AOPEP: variants seen among roughly 807,000 people sequenced by gnomAD.
The protein encoded by AOPEP is aminopeptidase O (putative).
A neutral mutation model predicts 98.1 loss-of-function variants in AOPEP; 77 were observed. That is an observed-to-expected ratio of 0.78 (90% CI 0.65 to 0.95). The LOEUF is 0.95. Ranked by LOEUF, AOPEP falls within the 40% of genes least tolerant of loss-of-function variation. The pLI is 0.00. For missense variants in AOPEP, 1,024 were observed against 1,024.7 expected (o/e 1.00, Z 0.01); for synonymous variants, 346 against 365.3 (o/e 0.95, Z 0.60).
rs147385771 is a variant in AOPEP, at chr9:94,878,856, A to G, written c.1365-45130A>G. Among the ~76,000 whole-genome samples the G allele has an allele frequency of 5.5e-3, 843 of 152,344 alleles. 4 individuals are homozygous for G. The highest frequency in any genetic ancestry group is 0.019 in the African/African-American group (801 of 41,582). On this transcript the variant is annotated intron_variant, in intron 5 of 16. Coordinates refer to ENST00000375315, the MANE Select transcript of AOPEP (RefSeq NM_001193329.3). ...CTGCCTAGACAGAGCTGATTTATCAAGACAGGGGAATTGCAATAGAGAAAG... is the reference window on the plus strand; with the variant it reads ...CTGCCTAGACAGAGCTGATTTATCAGGACAGGGGAATTGCAATAGAGAAAG...
At chr9:95,016,104 C>CT (rs1340551633) in intron 13 of AOPEP, among the ~76,000 whole-genome samples, 1 of 151,340 alleles carries the variant, frequency 6.6e-6, no homozygotes, top group East Asian at 1.9e-4. Context: ...TACTCTCACT[C>CT]TTTTTTCCTT....
At chr9:95,003,045 A>C (rs1334990469) in intron 11 of AOPEP, among the ~76,000 whole-genome samples, 3 of 152,206 alleles carry the variant, frequency 2.0e-5, no homozygotes, top group Admixed American at 2.0e-4. Context: ...GGTGCTAGGA[A>C]GAAAGGAGAC....
chr9:95,138,369 G>A, the AOPEP span, among the ~76,000 whole-genome samples: 2 of 152,198 alleles, frequency 1.3e-5, no homozygotes, highest in African/African-American at 4.8e-5. Flanking sequence ...TTTCCATCCA[G>A]GTGGTCAGCC....
intron 5 of AOPEP, among the ~76,000 whole-genome samples, chr9:94,884,373 C>G (rs1172810127): frequency 6.6e-6 from 1 of 152,170 alleles, no homozygotes; most frequent in Non-Finnish European, 1.5e-5. Context: ...CCTGTGGTAC[C>G]TCAGTGAGAC....
intron 13 of AOPEP, among the ~76,000 whole-genome samples, chr9:95,008,728 C>G (rs2062241915): frequency 6.6e-6 from 1 of 152,226 alleles, no homozygotes; most frequent in South Asian, 2.1e-4. Context: ...ATCCCACCCA[C>G]CAGAGAATTG....
chr9:94,775,601 G>A (rs1841911010), intron 3 of AOPEP, among the ~76,000 whole-genome samples: 1 of 151,956 alleles, frequency 6.6e-6, no homozygotes, highest in Non-Finnish European at 1.5e-5. Flanking sequence ...TCTTGACCTC[G>A]TGATCTGCCC....
At chr9:95,108,283 C>T in the AOPEP span, among the ~76,000 whole-genome samples, 10 of 152,232 alleles carry the variant, frequency 6.6e-5, no homozygotes, top group East Asian at 1.9e-4. Flanking sequence ...GGAGCGGCAG[C>T]GCTCCAGCAG....
At chr9:94,899,156 A>G (rs1166600543) in intron 5 of AOPEP, among the ~76,000 whole-genome samples, 1 of 148,752 alleles carries the variant, frequency 6.7e-6, no homozygotes, top group East Asian at 2.0e-4. Flanking sequence ...GGGAGGAGGG[A>G]AGATAATTTG....
At chr9:95,005,790 A>G (rs2061967152) in intron 13 of AOPEP, among the ~76,000 whole-genome samples, 174 bp downstream of exon 13, 1 of 152,240 alleles carries the variant, frequency 6.6e-6, no homozygotes, top group Non-Finnish European at 1.5e-5. Flanking sequence ...AAGGCTAATG[A>G]TCATTTATAT....
At chr9:95,027,948 G>A (rs1265847900) in intron 13 of AOPEP, among the ~76,000 whole-genome samples, 1 of 152,150 alleles carries the variant, frequency 6.6e-6, no homozygotes, top group African/African-American at 2.4e-5. Context: ...TAACCCTCTC[G>A]TCGTGGGTGA....
chr9:94,868,505 G>T (rs986025860), intron 5 of AOPEP, among the ~76,000 whole-genome samples: 2 of 152,218 alleles, frequency 1.3e-5, no homozygotes, highest in African/African-American at 4.8e-5. Context: ...TATGGATGAG[G>T]TGGTGAGAAA....
intron 5 of AOPEP, among the ~76,000 whole-genome samples, chr9:94,907,463 GC>G (rs937806295): frequency 7.9e-5 from 12 of 152,286 alleles, no homozygotes; most frequent in African/African-American, 2.9e-4. Context: ...CCAGGAGAAG[GC>G]TGGCTGGGCA....
At chr9:94,990,168 C>T (rs1035813395) in intron 11 of AOPEP, among the ~76,000 whole-genome samples, 4 of 152,134 alleles carry the variant, frequency 2.6e-5, no homozygotes, top group Admixed American at 6.5e-5. Context: ...AAAACAAATA[C>T]GCTTGGAGGG....
rs1421087855 is a variant in AOPEP, at chr9:94,861,083, C to T, written c.1364+60081C>T. ...TTGACCACCTGGAATCCACTGTGGC[C>T]AGCTGGATCTGCTTCAGAGGGGCTG... On this transcript the variant is annotated intron_variant, in intron 5 of 16. Transcript: ENST00000375315. Among the ~76,000 whole-genome samples, 3 of 152,174 alleles carry T rather than the reference C, an allele frequency of 2.0e-5. No homozygotes were observed. In the East Asian group the frequency reaches 5.8e-4, roughly 29 times the overall value.
At chr9:95,006,241 A>C in intron 13 of AOPEP, 1 of 347,700 alleles carries the variant, frequency 2.9e-6, no homozygotes, top group Non-Finnish European at 5.9e-6. Flanking sequence ...TTTCTAAGTG[A>C]CTTGCGGAAA....
chr9:94,785,956 C>T (rs1844339790), intron 3 of AOPEP, among the ~76,000 whole-genome samples: 1 of 152,182 alleles, frequency 6.6e-6, no homozygotes, highest in Non-Finnish European at 1.5e-5. Context: ...TTTGTGTGGA[C>T]TGTGTTTTAA....
chr9:95,035,700 TAG>T (rs2064755301), intron 13 of AOPEP, among the ~76,000 whole-genome samples: 1 of 151,842 alleles, frequency 6.6e-6, no homozygotes, highest in Non-Finnish European at 1.5e-5. Flanking sequence ...GTATTTTTTT[TAG>T]TAGAGACGAG....
At chr9:94,904,141 A>G (rs1458701538) in intron 5 of AOPEP, 2 of 152,170 alleles carry the variant, frequency 1.3e-5, no homozygotes, top group Non-Finnish European at 2.9e-5. Flanking sequence ...AACTAAATTA[A>G]TCCCTCCAGA....
At chr9:94,765,256 T>C (rs1839287675) in intron 2 of AOPEP, among the ~76,000 whole-genome samples, 1 of 151,764 alleles carries the variant, frequency 6.6e-6, no homozygotes, top group South Asian at 2.1e-4. Context: ...AGCCACTGAC[T>C]GCGCCCAGCC....
Sources: allele counts gnomAD v4.1 joint callset (sites outside exome capture counted in the v4.1 genomes callset), GRCh38; gene constraint gnomAD v4.1.1; transcripts MANE v1.5; gene names NCBI Gene and HGNC (gene_info 2026-07-23, HGNC 2026-07-21).